The following NBPF20 variants were observed in gnomAD, a reference collection of about 807,000 sequenced individuals.
NBPF20 encodes NBPF family member NBPF20.
Under a neutral mutation model 68.1 loss-of-function variants are expected in NBPF20, and 90 were observed. The ratio of observed to expected loss-of-function variants is 1.32; its 90% CI spans 1.11 to 1.58. The LOEUF (loss-of-function observed/expected upper bound fraction) is 1.58, where lower values mean the gene tolerates loss of function less well. Among genes scored for constraint, NBPF20 ranks in the 40% most tolerant of loss-of-function variants. The pLI is 0.00. For synonymous variants in NBPF20, 290 were observed against 228.1 expected, an observed-to-expected ratio of 1.27 and a Z score of -2.45; for missense variants, 816 against 601.2, an observed-to-expected ratio of 1.36 and a Z score of -3.74.
Position 145,291,706 on chromosome 1 carries a change from A to T in NBPF20, c.16761T>A (p.Cys5587Ter). The T allele has an allele frequency of 6.2e-7, 1 of 1,611,936 alleles. No homozygotes were observed. The highest frequency in any genetic ancestry group is 1.3e-5 in the African/African-American group (1 of 74,910). Residue 5587 changes from cysteine (C) to a stop codon, truncating the protein, a stop_gained, in exon 138 of 138, where the codon TGT becomes TGA. Transcript: ENST00000369373. LOFTEE classifies it high-confidence loss of function. ...CAAAGTACATTGACGGAGTAGAATA[A>T]CATCCATCCAGTGAGTCCTGTAAGA...
rs587706589 is a variant in NBPF20 at position 145,292,582 on chromosome 1, C to T, written c.16589-93G>A. On this transcript the variant is annotated intron_variant, in intron 136 of 137. Transcript: ENST00000369373. ...CTAATCCTCACACAGGGACCTCAGG[C>T]TCCCCAGCATAAGAATAGGACACTT... 624 of 743,898 alleles carry T rather than the reference C, an allele frequency of 8.4e-4. 10 individuals carry two copies. Among genetic ancestry groups the T allele is most frequent in the Non-Finnish European group, 1.2e-3 (479 of 413,522 alleles). The allele number at this position is 743,898 out of a possible 1,614,324, so 46.1% of individuals were successfully genotyped here. A position where few individuals can be genotyped will look rare whatever the true frequency, so the allele number is the denominator to read the frequency against.
At chr1:145,404,976 C>T (rs1662700434) in intron 2 of NBPF20, 122 bp downstream of exon 7, 4 of 1,344,904 alleles carry the variant, frequency 3.0e-6, no homozygotes, top group East Asian at 4.6e-5. Flanking sequence ...GTTAAAATAC[C>T]CATTTCTGTT....
intron 9 of NBPF20, among the ~76,000 whole-genome samples, chr1:145,393,492 G>C (rs1414476425): frequency 2.3e-5 from 3 of 129,030 alleles, no homozygotes; most frequent in Admixed American, 1.5e-4. Context: ...CACACACACA[G>C]AGCGAGCTCA....
rs1553663659 is a variant in NBPF20 at position 145,395,701 on chromosome 1, C to A, written c.828-560G>T. Among the ~76,000 whole-genome samples the A allele has an allele frequency of 1.7e-4, 26 of 148,742 alleles. 1 individual carries two copies. Among genetic ancestry groups the A allele is most frequent in the African/African-American group, 2.9e-4 (11 of 38,360 alleles). ...AGAGAATAGGCAACACCAAGAAATC[C>A]CTGTTTGAGGGTCTGGAGTGGACTT... On this transcript the variant is annotated intron_variant, in intron 7 of 137. Transcript: ENST00000369373.
chr1:145,417,748 C>T, the NBPF20 span, among the ~76,000 whole-genome samples: 36 of 145,242 alleles, frequency 2.5e-4, no homozygotes, highest in African/African-American at 3.3e-4. Context: ...ATTAAAACAA[C>T]GAGATATCAC....
At chr1:145,410,905 T>TTG in the NBPF20 span, among the ~76,000 whole-genome samples, 197 of 119,398 alleles carry the variant, frequency 1.6e-3, 3 homozygotes, top group Middle Eastern at 0.013. Context: ...ACACACACGT[T>TTG]TGTGTGTGTG....
At chr1:145,403,814 A>G (rs1427647310) in intron 2 of NBPF20, among the ~76,000 whole-genome samples, 2 of 152,056 alleles carry the variant, frequency 1.3e-5, no homozygotes, top group Non-Finnish European at 2.9e-5. Context: ...TATGATTTTA[A>G]GAATCATATC....
At chr1:145,407,601 TTTC>T (rs1662859908), upstream of NBPF20, among the ~76,000 whole-genome samples, 1 of 148,720 alleles carries the variant, frequency 6.7e-6, no homozygotes. Context: ...TATATATATT[TTTC>T]TTTTTTAAGT....
At chr1:145,411,519 G>A in the NBPF20 span, among the ~76,000 whole-genome samples, 2 of 97,608 alleles carry the variant, frequency 2.0e-5, no homozygotes, top group Admixed American at 2.3e-4. Context: ...AGCCTCCCAA[G>A]TAGCTGGACT....
At chr1:145,399,984 G>A (rs1662437860) in intron 6 of NBPF20, among the ~76,000 whole-genome samples, 1 of 152,170 alleles carries the variant, frequency 6.6e-6, no homozygotes, top group Admixed American at 6.6e-5. Flanking sequence ...GCTGAGAGCA[G>A]TGAAGCCGGG....
intron 6 of NBPF20, 57 bp downstream of exon 11, chr1:145,400,332 G>A (rs1662460787): frequency 1.0e-5 from 16 of 1,607,972 alleles, no homozygotes; most frequent in Non-Finnish European, 1.3e-5. Context: ...CCTGTCTTCA[G>A]AGTTTATCTT....
intron 1 of NBPF20, 44 bp downstream of exon 6, chr1:145,405,366 T>C (rs1225855933): frequency 2.7e-6 from 4 of 1,462,180 alleles, no homozygotes; most frequent in Non-Finnish European, 3.8e-6. Flanking sequence ...CAAATAGGTT[T>C]AATCAGGACT....
upstream of NBPF20, among the ~76,000 whole-genome samples, chr1:145,407,552 A>G (rs1188639518): frequency 6.8e-6 from 1 of 147,458 alleles, no homozygotes; most frequent in Admixed American, 6.8e-5. Flanking sequence ...GTGTATATAC[A>G]TAATATACTA....
exon 138 of NBPF20, chr1:145,291,402 C>A (rs497410): frequency 1.9e-6 from 3 of 1,590,368 alleles, no homozygotes; most frequent in African/African-American, 1.4e-5. Context: ...AATAGGAATA[C>A]AGCCATGCCC....
At chr1:145,424,669 C>T in the NBPF20 span, among the ~76,000 whole-genome samples, 4 of 152,158 alleles carry the variant, frequency 2.6e-5, no homozygotes, top group Non-Finnish European at 2.9e-5. Context: ...GTTAACTCTT[C>T]GGAGAAAGGA....
the NBPF20 span, among the ~76,000 whole-genome samples, chr1:145,418,044 G>A: frequency 5.1e-5 from 6 of 118,586 alleles, no homozygotes; most frequent in African/African-American, 1.5e-4. Flanking sequence ...AAAACAAGCT[G>A]TCAAGTCATG....
chr1:145,311,822 C>G (rs1571348576), intron 112 of NBPF20, among the ~76,000 whole-genome samples: 4 of 100,786 alleles, frequency 4.0e-5, no homozygotes, highest in Non-Finnish European at 5.8e-5. Flanking sequence ...CTATTCAGCC[C>G]TGTCTCATCA....
chr1:145,410,225 G>A (rs1553668657), upstream of NBPF20, among the ~76,000 whole-genome samples: 1 of 151,530 alleles, frequency 6.6e-6, no homozygotes. Context: ...TTATGGATAT[G>A]TACTGGTATC....
At chr1:145,410,011 T>A (rs1438814978), upstream of NBPF20, among the ~76,000 whole-genome samples, 9 of 152,084 alleles carry the variant, frequency 5.9e-5, no homozygotes, top group Admixed American at 5.9e-4. Flanking sequence ...GAAACACACA[T>A]ACAGATCATT....
Sources: allele counts gnomAD v4.1 joint callset (sites outside exome capture counted in the v4.1 genomes callset), GRCh38; gene constraint gnomAD v4.1.1; transcripts MANE v1.5; gene names NCBI Gene and HGNC (gene_info 2026-07-23, HGNC 2026-07-21).